The following LRMDA variants were observed in gnomAD, a reference collection of about 807,000 sequenced individuals.
LRMDA encodes leucine rich melanocyte differentiation associated.
LRMDA carries 18 observed loss-of-function variants against 29.8 expected under a neutral mutation model. That is an observed-to-expected ratio of 0.60 (90% CI 0.42 to 0.90). The LOEUF is 0.90. LRMDA is among the 40% of genes least tolerant of loss of function. LRMDA has a pLI of 0.00. For synonymous variants in LRMDA, 125 were observed against 109.4 expected (o/e 1.14, Z -0.89); for missense variants, 273 against 273.9 (o/e 1.00, Z 0.02).
At chr10:75,865,016 GT>G (rs201556716) in intron 2 of LRMDA, among the ~76,000 whole-genome samples, 17 of 151,766 alleles carry the variant, frequency 1.1e-4, no homozygotes, top group African/African-American at 3.9e-4. Flanking sequence ...AGAAAAATCT[GT>G]TTTTTTTCTG....
At chr10:75,583,520 G>A (rs956893597) in intron 2 of LRMDA, among the ~76,000 whole-genome samples, 4 of 152,174 alleles carry the variant, frequency 2.6e-5, no homozygotes, top group East Asian at 1.9e-4. Context: ...CAAGGAAGAC[G>A]GTGCTAAACC....
intron 2 of LRMDA, among the ~76,000 whole-genome samples, chr10:75,861,419 A>G (rs976444153): frequency 7.2e-5 from 11 of 152,378 alleles, no homozygotes; most frequent in African/African-American, 2.6e-4. Flanking sequence ...CAAGTGCTGT[A>G]TGGAGTTCTT....
At chr10:76,062,656 CTGTG>C (rs376071517) in intron 5 of LRMDA, among the ~76,000 whole-genome samples, 8,719 of 139,018 alleles carry the variant, frequency 0.063, 479 homozygotes, top group East Asian at 0.23. Flanking sequence ...CTTTATCTCT[CTGTG>C]TGTGTGTGTG....
At chr10:75,856,364 G>A (rs1339681873) in intron 2 of LRMDA, among the ~76,000 whole-genome samples, 5 of 151,726 alleles carry the variant, frequency 3.3e-5, no homozygotes, top group Non-Finnish European at 7.4e-5. Context: ...TGGTTCTCTG[G>A]CAGAGACACA....
At chr10:75,493,345 TTGGG>T (rs201240234) in intron 2 of LRMDA, among the ~76,000 whole-genome samples, 1 of 56,866 alleles carries the variant, frequency 1.8e-5, no homozygotes, top group African/African-American at 7.9e-5. Flanking sequence ...AGGGTTGAGA[TTGGG>T]TGTGTGTGTG....
rs550236429 is a variant in LRMDA at position 76,304,431 on chromosome 10, C to T, written c.517-19970C>T. 2.0e-5 allele frequency among the ~76,000 whole-genome samples: 3 copies of T among 152,322 alleles called. No individual in the cohort carries two copies. The South Asian group carries it at 6.2e-4, about 32-fold the overall frequency. On this transcript the variant is annotated intron_variant, in intron 5 of 6. Transcript: ENST00000611255. ...GCACCTTAAACTTGTAGTCCTTTCA[C>T]ATACGAGAAATCAACTGGGCTCTGC...
At chr10:76,216,180 C>G (rs541513384) in intron 5 of LRMDA, among the ~76,000 whole-genome samples, 1 of 152,078 alleles carries the variant, frequency 6.6e-6, no homozygotes, top group Non-Finnish European at 1.5e-5. Context: ...AAGCAAGACC[C>G]CATCTGTACA....
At chr10:76,554,625 T>G (rs765769714) in intron 6 of LRMDA, among the ~76,000 whole-genome samples, 3 of 152,106 alleles carry the variant, frequency 2.0e-5, no homozygotes, top group Admixed American at 6.6e-5. Context: ...AGAAACAGGG[T>G]AGGCCTTAAA....
chr10:75,658,157 G>C (rs1200201893), intron 2 of LRMDA, among the ~76,000 whole-genome samples: 1 of 152,048 alleles, frequency 6.6e-6, no homozygotes, highest in Non-Finnish European at 1.5e-5. Context: ...AGATAATATG[G>C]GGTGAATAAG....
intron 2 of LRMDA, among the ~76,000 whole-genome samples, chr10:75,950,915 C>T (rs369237000): frequency 2.0e-5 from 3 of 152,174 alleles, no homozygotes; most frequent in Non-Finnish European, 2.9e-5. Flanking sequence ...GAACCTACTG[C>T]GCACACATCA....
intron 2 of LRMDA, among the ~76,000 whole-genome samples, chr10:75,537,285 C>A (rs529852853): frequency 2.0e-5 from 3 of 152,168 alleles, no homozygotes; most frequent in Non-Finnish European, 4.4e-5. Flanking sequence ...CCACTTGTGG[C>A]TACTTCTGGC....
intron 5 of LRMDA, among the ~76,000 whole-genome samples, chr10:76,070,260 G>T (rs1405722917): frequency 6.6e-6 from 1 of 152,188 alleles, no homozygotes; most frequent in Non-Finnish European, 1.5e-5. Context: ...GGCTTGAGAT[G>T]CTGGGGGGCA....
At chr10:76,298,900 A>G (rs1371967168) in intron 5 of LRMDA, among the ~76,000 whole-genome samples, 1 of 152,110 alleles carries the variant, frequency 6.6e-6, no homozygotes, top group Non-Finnish European at 1.5e-5. Flanking sequence ...CCCTTCTGGG[A>G]TGGGACTGTA....
At chr10:75,465,855 C>T (rs1018826887) in intron 2 of LRMDA, among the ~76,000 whole-genome samples, 1 of 152,156 alleles carries the variant, frequency 6.6e-6, no homozygotes, top group African/African-American at 2.4e-5. Context: ...AAAGTTTTAG[C>T]GTCCAATCTT....
chr10:75,658,897 C>A (rs1841713055), intron 2 of LRMDA, among the ~76,000 whole-genome samples: 1 of 152,206 alleles, frequency 6.6e-6, no homozygotes, highest in Non-Finnish European at 1.5e-5. Context: ...GCAGGGGCCA[C>A]TGCCCCTGTC....
chr10:75,936,044 A>G (rs1846286063), intron 2 of LRMDA, among the ~76,000 whole-genome samples: 1 of 152,012 alleles, frequency 6.6e-6, no homozygotes, highest in African/African-American at 2.4e-5. Flanking sequence ...ATTATAAGTG[A>G]GAGGCAGTGA....
At chr10:76,542,852 C>G (rs1023005398) in intron 6 of LRMDA, among the ~76,000 whole-genome samples, 1 of 152,214 alleles carries the variant, frequency 6.6e-6, no homozygotes, top group Non-Finnish European at 1.5e-5. Context: ...AAACCCACTT[C>G]AGCTCACTGT....
chr10:75,464,847 T>C (rs2132040561), intron 2 of LRMDA, among the ~76,000 whole-genome samples: 1 of 152,306 alleles, frequency 6.6e-6, no homozygotes, highest in East Asian at 1.9e-4. Flanking sequence ...TTTTCTTTTT[T>C]ATTTCAGCTG....
At chr10:75,872,693 C>T (rs1247151406) in intron 2 of LRMDA, among the ~76,000 whole-genome samples, 1 of 152,132 alleles carries the variant, frequency 6.6e-6, no homozygotes, top group Non-Finnish European at 1.5e-5. Context: ...GCTTTTTATA[C>T]ATGCTTCTTA....
Sources: gnomAD v4.1 joint callset for allele counts (sites outside exome capture counted in the v4.1 genomes callset) on GRCh38, gnomAD v4.1.1 for gene constraint, MANE v1.5 for transcripts, NCBI Gene and HGNC (gene_info 2026-07-23, HGNC 2026-07-21) for gene names.